Variants in DCUN1D3 observed in about 807,000 individuals in gnomAD.
The protein encoded by DCUN1D3 is defective in cullin neddylation 1 domain containing 3.
Under a neutral mutation model 24.8 loss-of-function variants are expected in DCUN1D3, and 6 were observed. The observed-to-expected ratio is 0.24, with a 90% confidence interval of 0.13 to 0.48. DCUN1D3 has a LOEUF of 0.48. DCUN1D3 is among the 20% of genes least tolerant of loss of function. The pLI is 0.99. For missense variants in DCUN1D3, 258 were observed against 379.4 expected (o/e 0.68, Z 2.66); for synonymous variants, 120 against 144.9 (o/e 0.83, Z 1.24).
At chr16:20,861,030 G>A (rs1239067678) in intron 2 of DCUN1D3, among the ~76,000 whole-genome samples, 1 of 152,096 alleles carries the variant, frequency 6.6e-6, no homozygotes, top group African/African-American at 2.4e-5. Context: ...TGGGGTGGGG[G>A]GCATGCAAAC....
At chr16:20,883,440 G>A (rs1167513527) in intron 1 of DCUN1D3, among the ~76,000 whole-genome samples, 1 of 152,146 alleles carries the variant, frequency 6.6e-6, no homozygotes, top group Non-Finnish European at 1.5e-5. Context: ...ATGAACCTGA[G>A]AGGCGGAGCT....
At chr16:20,874,004 G>A (rs1789108716) in intron 1 of DCUN1D3, among the ~76,000 whole-genome samples, 1 of 152,214 alleles carries the variant, frequency 6.6e-6, no homozygotes, top group Non-Finnish European at 1.5e-5. Flanking sequence ...ACTGTTCCTA[G>A]AGTCAAGATC....
rs1184881919 is a variant in DCUN1D3 at position 20,855,992 on chromosome 16, T to C, written c.*3894A>G. 1 of 152,148 alleles carries C rather than the reference T, an allele frequency of 6.6e-6. No homozygotes were observed. Among genetic ancestry groups the C allele is most frequent in the Non-Finnish European group, 1.5e-5 (1 of 68,034 alleles). The allele number at this position is 152,148 out of a possible 1,614,324, so 9.4% of individuals were successfully genotyped here. ...TGCTCAAGTCATAGCTAACCAAACATGAGAGACAAGAAAAACAGCAGAGCA... is the reference window on the plus strand; with the variant it reads ...TGCTCAAGTCATAGCTAACCAAACACGAGAGACAAGAAAAACAGCAGAGCA... On this transcript the variant is annotated 3_prime_UTR_variant, in exon 3 of 3. Transcript: ENST00000324344.
intron 1 of DCUN1D3, among the ~76,000 whole-genome samples, chr16:20,878,405 A>G (rs1031187844): frequency 4.6e-5 from 7 of 152,184 alleles, no homozygotes; most frequent in African/African-American, 1.7e-4. Context: ...AAAAATTCAC[A>G]TTAATGGAAA....
In DCUN1D3 at chr16:20,859,451, C is replaced by G. The variant is rs1192347369; in HGVS notation, c.*435G>C. 1 of 160,710 alleles carries G rather than the reference C, an allele frequency of 6.2e-6. No homozygotes were observed. The highest frequency in any genetic ancestry group is 2.5e-5 in the African/African-American group (1 of 40,556). The allele number at this position is 160,710 out of a possible 1,614,324, so 10.0% of individuals were successfully genotyped here. A position where few individuals can be genotyped will look rare whatever the true frequency, so the allele number is the denominator to read the frequency against. ...CAGACCTGCCCTGAAAAACAATATGCGAAACTGAGATCTGGCACTGTATCA... is the reference window on the plus strand; with the variant it reads ...CAGACCTGCCCTGAAAAACAATATGGGAAACTGAGATCTGGCACTGTATCA... On this transcript the variant is annotated 3_prime_UTR_variant, in exon 3 of 3. Transcript: ENST00000324344.
At chr16:20,876,010 C>T (rs2081813249) in intron 1 of DCUN1D3, among the ~76,000 whole-genome samples, 4 of 152,028 alleles carry the variant, frequency 2.6e-5, no homozygotes. Flanking sequence ...CTGTCACCCA[C>T]GCTGGAGTGC....
At position 20,897,378 on chromosome 16, in the gene DCUN1D3, G is replaced by A. The variant is rs145274161; in HGVS notation, c.-106+2826C>T. 1.5e-3 allele frequency among the ~76,000 whole-genome samples: 231 copies of A among 152,312 alleles called. 1 individual carries two copies. The highest frequency in any genetic ancestry group is 5.3e-3 in the African/African-American group (222 of 41,568). On this transcript the variant is annotated intron_variant, in intron 1 of 2. Transcript: ENST00000324344. Reference sequence around the variant, plus strand: ...AAAGTAGGTTACATCCCTTGGTTACGTGCCAGCCCAAAGATGCCGACACAG... The same window carrying A: ...AAAGTAGGTTACATCCCTTGGTTACATGCCAGCCCAAAGATGCCGACACAG...
intron 1 of DCUN1D3, among the ~76,000 whole-genome samples, chr16:20,894,204 G>A (rs919446490): frequency 6.6e-6 from 1 of 152,186 alleles, no homozygotes; most frequent in African/African-American, 2.4e-5. Context: ...GGGAGGTCGA[G>A]GCTGCCGTGA....
Position 20,857,845 on chromosome 16 carries a change from A to C in DCUN1D3, c.*2041T>G, listed in dbSNP as rs2081709872. The C allele has an allele frequency of 6.6e-6, 1 of 152,168 alleles. No individual in the cohort carries two copies. Among genetic ancestry groups the C allele is most frequent in the African/African-American group, 2.4e-5 (1 of 41,416 alleles). The allele number at this position is 152,168 out of a possible 1,614,324, so 9.4% of individuals were successfully genotyped here. ...GATTTAAAAAAAAAAACAAATTCCA[A>C]GTATGTTCCCTATGGTCAATATCAG... On this transcript the variant is annotated 3_prime_UTR_variant, in exon 3 of 3. Transcript: ENST00000324344.
rs1409716385 is a variant in DCUN1D3, at chr16:20,860,363, C to T, written c.438G>A (p.Glu146=). 1.9e-6 allele frequency: 3 copies of T among 1,609,428 alleles called. No individual in the cohort carries two copies. The highest frequency in any genetic ancestry group is 2.5e-6 in the Non-Finnish European group (3 of 1,177,200). ...TTATTGCTTTGCAGCCATCAAAAAA[C>T]TCCTTCCTGCAACAGAAAGGAAAAG... ...AATMCKFTRK[E]FFDGCKAISA... The change falls in exon 3 of 3, where the codon GAG becomes GAA. Residue 146 remains glutamate (E), a synonymous_variant. Transcript: ENST00000324344. The surrounding 1 kb of genome is among the most constrained non-coding windows in gnomAD (Gnocchi z 4.3).
intron 1 of DCUN1D3, among the ~76,000 whole-genome samples, chr16:20,868,409 G>A (rs2081772859): frequency 6.6e-6 from 1 of 152,222 alleles, no homozygotes; most frequent in South Asian, 2.1e-4. Flanking sequence ...GTGATGAAGA[G>A]GATGAGCTCA....
At chr16:20,881,646 T>C (rs1198623166) in intron 1 of DCUN1D3, among the ~76,000 whole-genome samples, 1 of 152,128 alleles carries the variant, frequency 6.6e-6, no homozygotes, top group African/African-American at 2.4e-5. Context: ...ACAGCTACTC[T>C]CGGAGGTTCC....
chr16:20,887,092 T>C (rs538342035), intron 1 of DCUN1D3, among the ~76,000 whole-genome samples: 1 of 152,264 alleles, frequency 6.6e-6, no homozygotes, highest in South Asian at 2.1e-4. Context: ...GGAGGGTGGA[T>C]CGCCTGAGGT....
rs2081703461 is a variant in DCUN1D3 at position 20,856,483 on chromosome 16, G to A, written c.*3403C>T. 1 of 152,206 alleles carries A rather than the reference G, an allele frequency of 6.6e-6. No homozygotes were observed. Among genetic ancestry groups the A allele is most frequent in the African/African-American group, 2.4e-5 (1 of 41,438 alleles). The allele number at this position is 152,206 out of a possible 1,614,324, so 9.4% of individuals were successfully genotyped here. A position where few individuals can be genotyped will look rare whatever the true frequency, so the allele number is the denominator to read the frequency against. On this transcript the variant is annotated 3_prime_UTR_variant, in exon 3 of 3. Coordinates refer to ENST00000324344, the MANE Select transcript of DCUN1D3 (RefSeq NM_173475.4). Reference sequence around the variant, plus strand: ...ACTAGTTTGTGCTTTCCTTGGGGAAGTTTAATATTGAAAACACTGCCTTGT... The same window carrying A: ...ACTAGTTTGTGCTTTCCTTGGGGAAATTTAATATTGAAAACACTGCCTTGT...
rs1348846385 is a variant in DCUN1D3, at chr16:20,863,581, G to A, written c.-105-938C>T. ...AGACATAGCAAGACCCTGTCTCTAC[G>A]AAAAATAGAAAAAAATTAGTTGGGT... On this transcript the variant is annotated intron_variant, in intron 1 of 2. Coordinates refer to ENST00000324344, the MANE Select transcript of DCUN1D3 (RefSeq NM_173475.4). Among the ~76,000 whole-genome samples the A allele has an allele frequency of 2.0e-5, 3 of 151,996 alleles. No homozygotes were observed. The East Asian group carries it at 5.8e-4, about 29-fold the overall frequency.
intron 1 of DCUN1D3, among the ~76,000 whole-genome samples, chr16:20,866,064 A>G (rs2081760409): frequency 1.3e-5 from 2 of 152,222 alleles, no homozygotes; most frequent in Non-Finnish European, 2.9e-5. Flanking sequence ...AAGTTTTTTA[A>G]AAGACTTTTT....
At chr16:20,877,276 G>A (rs890616337) in intron 1 of DCUN1D3, among the ~76,000 whole-genome samples, 10 of 151,534 alleles carry the variant, frequency 6.6e-5, no homozygotes, top group Non-Finnish European at 7.4e-5. Flanking sequence ...AAAAGGTCAC[G>A]GTGAAGAATA....
Position 20,875,210 on chromosome 16 carries a change from GCACACACACACACACACACACA to G in DCUN1D3, c.-105-12589_-105-12568del, listed in dbSNP as rs3222584. Among the ~76,000 whole-genome samples, 4 of 140,340 alleles carry G rather than the reference GCACACACACACACACACACACA, an allele frequency of 2.9e-5. No individual in the cohort carries two copies. The East Asian group carries it at 8.4e-4, about 30-fold the overall frequency. 92.1% of individuals were successfully genotyped at this position (140,340 alleles called of 152,430 possible). A position where few individuals can be genotyped will look rare whatever the true frequency, so the allele number is the denominator to read the frequency against. The stretch of plus-strand genomic sequence containing the variant: ...CCCAGAATAAACTGCGTGCGCTCAT[GCACACACACACACACACACACA>G]CACACACACACACACACACACACAA... On this transcript the variant is annotated intron_variant, in intron 1 of 2. Transcript: ENST00000324344.
At chr16:20,894,434 A>C (rs1056287578) in intron 1 of DCUN1D3, among the ~76,000 whole-genome samples, 1 of 152,166 alleles carries the variant, frequency 6.6e-6, no homozygotes, top group Non-Finnish European at 1.5e-5. Context: ...TGAGATTCTT[A>C]GTCAGTCATC....
Sources: allele counts gnomAD v4.1 joint callset (sites outside exome capture counted in the v4.1 genomes callset), GRCh38; gene constraint gnomAD v4.1.1; non-coding constraint Gnocchi (gnomAD v3.1); transcripts MANE v1.5; gene names NCBI Gene and HGNC (gene_info 2026-07-23, HGNC 2026-07-21).